The following XRRA1 variants were observed in gnomAD, a reference collection of about 807,000 sequenced individuals.
The protein encoded by XRRA1 is X-ray radiation resistance-associated protein 1.
A neutral mutation model predicts 80.2 loss-of-function variants in XRRA1; 69 were observed. The observed-to-expected ratio is 0.86, with a 90% CI of 0.71 to 1.05. XRRA1 has a LOEUF of 1.05. Ranked by LOEUF, XRRA1 falls within the 50% of genes least tolerant of loss-of-function variation. The probability of loss-of-function intolerance (pLI) is 0.00; values close to 1 mark genes in which losing one functional copy is unlikely to be tolerated. For missense variants in XRRA1, 967 were observed against 976.4 expected (o/e 0.99, Z 0.13); for synonymous variants, 348 against 389.9 (o/e 0.89, Z 1.27).
In XRRA1 at chr11:74,848,368, T is replaced by A. The variant is rs761973742; in HGVS notation, c.1475A>T (p.Glu492Val). The change falls in exon 15 of 19, where the codon GAG becomes GTG. Residue 492 changes from glutamate (E) to valine (V), a missense_variant. By Grantham distance (121) the Glu-to-Val change is moderately radical. Transcript: ENST00000684022. The stretch of plus-strand genomic sequence containing the variant: ...ATCTTCAGCCAGCTCTGCCTCTGGC[T>A]CTAGCATATCCTTTGAGGGAGACTT... ...TTKSPSKDML[E>V]PEAELAEDLP... The A allele has an allele frequency of 1.2e-6, 2 of 1,613,926 alleles. No homozygotes were observed. The highest frequency in any genetic ancestry group is 1.6e-4 in the Middle Eastern group (1 of 6,062).
chr11:74,914,471 A>G (rs986776819), intron 8 of XRRA1, among the ~76,000 whole-genome samples: 1 of 152,196 alleles, frequency 6.6e-6, no homozygotes, highest in African/African-American at 2.4e-5. Context: ...ATGGCTTCTA[A>G]AGGACTATGG....
At chr11:74,929,401 CCTT>C (rs1283543091) in intron 6 of XRRA1, among the ~76,000 whole-genome samples, 1 of 152,108 alleles carries the variant, frequency 6.6e-6, no homozygotes, top group Non-Finnish European at 1.5e-5. Context: ...CTGGCCTCCA[CCTT>C]CTTCTTCTCT....
Position 74,841,979 on chromosome 11 carries a change from GAAAA to G in XRRA1, c.*1217_*1220del, listed in dbSNP as rs2036620295. Reference sequence around the variant, plus strand: ...GTGAGAGAATAGATACTATGCAAGGGAAAAAAATTTAAATGCCAACGAATAGTTT... The same window carrying G: ...GTGAGAGAATAGATACTATGCAAGGGAAATTTAAATGCCAACGAATAGTTT... On this transcript the variant is annotated 3_prime_UTR_variant, in exon 19 of 19. Coordinates refer to ENST00000684022, the MANE Select transcript of XRRA1 (RefSeq NM_001378157.1). The G allele has an allele frequency of 6.6e-6, 1 of 151,172 alleles. No individual in the cohort carries two copies. Among genetic ancestry groups the G allele is most frequent in the African/African-American group, 2.4e-5 (1 of 41,056 alleles). 9.4% of individuals were successfully genotyped at this position (151,172 alleles called of 1,614,324 possible).
At chr11:74,883,170 G>A (rs2048133135) in intron 10 of XRRA1, among the ~76,000 whole-genome samples, 2 of 152,208 alleles carry the variant, frequency 1.3e-5, no homozygotes, top group African/African-American at 4.8e-5. Flanking sequence ...GAGACTCCGT[G>A]GGCGTAGGAC....
chr11:74,874,614 C>G (rs185712692), intron 10 of XRRA1, among the ~76,000 whole-genome samples: 1 of 152,212 alleles, frequency 6.6e-6, no homozygotes. Context: ...TAATGTAGCA[C>G]GATTGCTGTC....
chr11:74,892,159 A>C (rs1306808699), intron 10 of XRRA1, among the ~76,000 whole-genome samples: 5 of 152,344 alleles, frequency 3.3e-5, no homozygotes, highest in African/African-American at 1.2e-4. Context: ...AAACTGTACT[A>C]CAAGGCTACA....
intron 5 of XRRA1, among the ~76,000 whole-genome samples, chr11:74,932,946 C>T (rs754937117): frequency 1.4e-4 from 21 of 152,116 alleles, no homozygotes; most frequent in Non-Finnish European, 2.1e-4. Flanking sequence ...TGGTATGCCA[C>T]GAAAGCCAAC....
At chr11:74,947,002 C>T (rs1423119896) in intron 1 of XRRA1, among the ~76,000 whole-genome samples, 3 of 152,058 alleles carry the variant, frequency 2.0e-5, no homozygotes, top group Non-Finnish European at 2.9e-5. Flanking sequence ...CCGCCCGCCT[C>T]GGCCTCCCAA....
intron 10 of XRRA1, among the ~76,000 whole-genome samples, chr11:74,887,894 G>A (rs890660157): frequency 5.9e-5 from 9 of 152,100 alleles, no homozygotes; most frequent in African/African-American, 1.7e-4. Context: ...CGCCATTGCC[G>A]AGGCTTGAGT....
chr11:74,872,446 C>T (rs1204478467), intron 10 of XRRA1, among the ~76,000 whole-genome samples: 2 of 152,030 alleles, frequency 1.3e-5, no homozygotes, highest in African/African-American at 4.8e-5. Context: ...AGAAGGCGGC[C>T]CTGGAGAAAG....
intron 14 of XRRA1, among the ~76,000 whole-genome samples, chr11:74,850,231 A>G (rs1478936066): frequency 2.0e-5 from 3 of 152,188 alleles, no homozygotes; most frequent in Non-Finnish European, 4.4e-5. Flanking sequence ...GGGATAGCAT[A>G]CACGTAAGAG....
rs576938272 is a variant in XRRA1 at position 74,854,373 on chromosome 11, C to T, written c.1171-2291G>A. ...GACTTTAACATTTGATCTTCTAGACCAGGGGATCAGCAAACCTTTTCTGTC... is the reference window on the plus strand; with the variant it reads ...GACTTTAACATTTGATCTTCTAGACTAGGGGATCAGCAAACCTTTTCTGTC... On this transcript the variant is annotated intron_variant, in intron 12 of 18. Transcript: ENST00000684022. Among the ~76,000 whole-genome samples the T allele has an allele frequency of 6.6e-5, 10 of 152,226 alleles. No individual in the cohort carries two copies. The South Asian group carries it at 1.9e-3, about 28-fold the overall frequency.
chr11:74,845,340 A>T, intron 15 of XRRA1, 69 bp from the exon 16 acceptor site: 1 of 1,497,776 alleles, frequency 6.7e-7, no homozygotes, highest in Non-Finnish European at 9.1e-7. Context: ...CATTCGGAGT[A>T]TCATCTCTGT....
intron 10 of XRRA1, among the ~76,000 whole-genome samples, chr11:74,883,724 C>T (rs1361594616): frequency 6.6e-6 from 1 of 152,114 alleles, no homozygotes; most frequent in Non-Finnish European, 1.5e-5. Context: ...CACATGATGC[C>T]CCTCTTCAGC....
chr11:74,908,741 G>A (rs935764370), intron 8 of XRRA1, among the ~76,000 whole-genome samples: 3 of 152,162 alleles, frequency 2.0e-5, no homozygotes, highest in African/African-American at 4.8e-5. Context: ...GCGCCTATTC[G>A]GGAAAGGCAA....
chr11:74,859,275 C>A lies in XRRA1; in HGVS notation c.1053G>T (p.Lys351Asn). 2 of 1,604,568 alleles carry A rather than the reference C, an allele frequency of 1.2e-6. No homozygotes were observed. Among genetic ancestry groups the A allele is most frequent in the Non-Finnish European group, 1.7e-6 (2 of 1,176,616 alleles). ...YPGFSTSETT[K>N]ICSLPPIFEI... is the part of the protein sequence containing the mutation. ...CGAATATGGGAGGAAGTGAACATAT[C>A]TTGGTTGTCTTAGAAAGAAGGAAAA... Residue 351 changes from lysine (K) to asparagine (N), a missense_variant, in exon 12 of 19, where the codon AAG (lysine) becomes AAT (asparagine). By Grantham distance (94) the Lys-to-Asn change is moderately conservative. Transcript: ENST00000684022.
intron 1 of XRRA1, among the ~76,000 whole-genome samples, chr11:74,947,465 G>A (rs1424417786): frequency 1.3e-5 from 2 of 152,112 alleles, no homozygotes; most frequent in African/African-American, 4.8e-5. Flanking sequence ...TTGAACCCAG[G>A]AGGCAGAGGT....
chr11:74,905,412 G>A (rs1237537008), intron 10 of XRRA1, among the ~76,000 whole-genome samples: 2 of 152,114 alleles, frequency 1.3e-5, no homozygotes, highest in Admixed American at 6.5e-5. Context: ...GCTTTAGAAT[G>A]CTGGAGCTGA....
At chr11:74,891,116 A>G (rs1482079556) in intron 10 of XRRA1, among the ~76,000 whole-genome samples, 1 of 152,178 alleles carries the variant, frequency 6.6e-6, no homozygotes, top group Admixed American at 6.5e-5. Flanking sequence ...AGTATTTTAG[A>G]CCAATATCCC....
Sources: gnomAD v4.1 joint callset for allele counts (sites outside exome capture counted in the v4.1 genomes callset) on GRCh38, gnomAD v4.1.1 for gene constraint, MANE v1.5 for transcripts, NCBI Gene and HGNC (gene_info 2026-07-23, HGNC 2026-07-21) for gene names.